The following ADAM23 variants were observed in gnomAD, a reference collection of about 807,000 sequenced individuals.
ADAM23 encodes the protein ADAM metallopeptidase domain 23, also known as disintegrin and metalloproteinase domain-containing protein 23.
In ADAM23, 33 loss-of-function variants were observed where a neutral mutation model predicts 120.1. That is an observed-to-expected ratio of 0.27 (90% CI 0.21 to 0.37). The LOEUF (loss-of-function observed/expected upper bound fraction) is 0.37. Among genes scored for constraint, ADAM23 ranks in the 10% least tolerant of loss-of-function variants. The probability of loss-of-function intolerance (pLI) is 1.00; values close to 1 mark genes in which losing one functional copy is unlikely to be tolerated. For missense variants in ADAM23, 862 were observed against 1,058.2 expected (o/e 0.81, Z 2.57); for synonymous variants, 367 against 375.2 (o/e 0.98, Z 0.25).
At chr2:206,486,365 G>A (rs1696013666) in intron 3 of ADAM23, among the ~76,000 whole-genome samples, 1 of 150,890 alleles carries the variant, frequency 6.6e-6, no homozygotes, top group South Asian at 2.1e-4. Flanking sequence ...TGTCAAACAA[G>A]CATTTTAGAT....
rs778876837 is a variant in ADAM23, at chr2:206,559,948, C to A, written c.1006-7C>A. 14 of 1,610,790 alleles carry A rather than the reference C, an allele frequency of 8.7e-6. No homozygotes were observed. The highest frequency in any genetic ancestry group is 1.0e-5 in the Non-Finnish European group (12 of 1,178,516). On this transcript the variant is annotated splice_region_variant and splice_polypyrimidine_tract_variant and intron_variant, in intron 10 of 25. Coordinates refer to ENST00000264377, the MANE Select transcript of ADAM23 (RefSeq NM_003812.4). ...CCTCCTGCACCTGTCCTGTTGTATA[C>A]CCTCAGATTTACAAGGAGCAGCTCA... is the stretch of plus-strand genomic sequence containing the variant.
At chr2:206,479,690 T>C (rs1473760164) in intron 2 of ADAM23, among the ~76,000 whole-genome samples, 1 of 151,158 alleles carries the variant, frequency 6.6e-6, no homozygotes, top group Non-Finnish European at 1.5e-5. Flanking sequence ...CTCTCTCTCT[T>C]TCTCTCTCTC....
chr2:206,529,020 C>T (rs530574699), intron 3 of ADAM23, among the ~76,000 whole-genome samples: 1 of 152,290 alleles, frequency 6.6e-6, no homozygotes, highest in South Asian at 2.1e-4. Context: ...CCCTAATAAT[C>T]CAGTGCTCTT....
intron 2 of ADAM23, among the ~76,000 whole-genome samples, chr2:206,467,742 C>T (rs765916399): frequency 6.6e-6 from 1 of 152,236 alleles, no homozygotes; most frequent in African/African-American, 2.4e-5. Context: ...CCTGACATTT[C>T]CCCTCTGCAC....
chr2:206,445,191 T>A, intron 1 of ADAM23, 116 bp from the exon 2 acceptor site: 1 of 736,548 alleles, frequency 1.4e-6, no homozygotes, highest in Non-Finnish European at 2.2e-6. Flanking sequence ...ATAGAAAACT[T>A]TGTGTTTGAA....
intron 22 of ADAM23, 116 bp from the exon 23 acceptor site, chr2:206,594,621 A>G (rs900413903): frequency 3.8e-5 from 44 of 1,152,500 alleles, no homozygotes; most frequent in Non-Finnish European, 1.5e-5. Context: ...AGAAAATGCT[A>G]GGAGAAATCC....
At chr2:206,559,033 C>A (rs1180290568) in intron 10 of ADAM23, among the ~76,000 whole-genome samples, 1 of 152,304 alleles carries the variant, frequency 6.6e-6, no homozygotes, top group East Asian at 1.9e-4. Flanking sequence ...CAAGCTCCGC[C>A]TCCCAGGTTC....
intron 2 of ADAM23, among the ~76,000 whole-genome samples, chr2:206,479,672 TTCTC>T (rs377258635): frequency 3.3e-5 from 5 of 150,936 alleles, no homozygotes; most frequent in South Asian, 2.1e-4. Flanking sequence ...TGACAGAAGT[TTCTC>T]TCTCTCTCTC....
intron 2 of ADAM23, among the ~76,000 whole-genome samples, chr2:206,479,438 T>C (rs1366041732): frequency 6.6e-6 from 1 of 152,224 alleles, no homozygotes; most frequent in Non-Finnish European, 1.5e-5. Flanking sequence ...TATAATATTC[T>C]TAAGAGAAAC....
At chr2:206,539,454 GGA>G (rs1697246776) in intron 4 of ADAM23, among the ~76,000 whole-genome samples, 1 of 152,152 alleles carries the variant, frequency 6.6e-6, no homozygotes, top group East Asian at 1.9e-4. Context: ...CTTCCTAACT[GGA>G]GAAAGAAACA....
rs987006489 is a variant in ADAM23 at position 206,444,768 on chromosome 2, CTTAAAG to C, written c.215-533_215-528del. Among the ~76,000 whole-genome samples the C allele has an allele frequency of 6.8e-4, 103 of 152,304 alleles. 1 individual carries two copies. Among genetic ancestry groups the C allele is most frequent in the Middle Eastern group, 3.4e-3 (1 of 294 alleles). On this transcript the variant is annotated intron_variant, in intron 1 of 25. Transcript: ENST00000264377. ...TACATGGCAAAGTATGTTTGCTCAT[CTTAAAG>C]TTAAAAGAGAAGGGAATTGTCCATT...
At chr2:206,503,863 G>A (rs1315179668) in intron 3 of ADAM23, among the ~76,000 whole-genome samples, 1 of 152,094 alleles carries the variant, frequency 6.6e-6, no homozygotes, top group East Asian at 1.9e-4. Flanking sequence ...ACCACTCAGA[G>A]TTATCATGGC....
chr2:206,562,153 T>G (rs755480074), intron 12 of ADAM23, 50 bp from the exon 13 acceptor site: 1 of 1,466,428 alleles, frequency 6.8e-7, no homozygotes, highest in Admixed American at 1.7e-5. Context: ...ATAACTAGCT[T>G]TGTGCACTCT....
chr2:206,444,235 C>T (rs893243886), intron 1 of ADAM23, among the ~76,000 whole-genome samples, 155 bp downstream of exon 1: 1 of 152,246 alleles, frequency 6.6e-6, no homozygotes, highest in Non-Finnish European at 1.5e-5. Context: ...TCCCAAACCC[C>T]CATTCATCCC....
At chr2:206,587,944 T>G in intron 19 of ADAM23, 147 bp from the exon 20 acceptor site, 2 of 720,876 alleles carry the variant, frequency 2.8e-6, no homozygotes, top group Non-Finnish European at 4.7e-6. Context: ...TCTTGAGATA[T>G]TTGTGATCCT....
chr2:206,509,454 T>C (rs1378356167), intron 3 of ADAM23, among the ~76,000 whole-genome samples: 2 of 152,148 alleles, frequency 1.3e-5, no homozygotes, highest in South Asian at 2.1e-4. Flanking sequence ...TCTTTTTTCT[T>C]TTTTTTCTTT....
At chr2:206,603,334 C>G (rs1251588205) in intron 24 of ADAM23, among the ~76,000 whole-genome samples, 1 of 152,104 alleles carries the variant, frequency 6.6e-6, no homozygotes, top group African/African-American at 2.4e-5. Context: ...TTCCTACTTG[C>G]CAAAACAAAG....
intron 18 of ADAM23, among the ~76,000 whole-genome samples, chr2:206,579,727 A>T (rs761572788): frequency 6.6e-6 from 1 of 152,030 alleles, no homozygotes; most frequent in African/African-American, 2.4e-5. Flanking sequence ...TTTTGGTTCC[A>T]TATTAGTTTT....
intron 4 of ADAM23, among the ~76,000 whole-genome samples, chr2:206,537,012 A>G (rs571302742): frequency 8.5e-4 from 130 of 152,206 alleles, no homozygotes; most frequent in African/African-American, 3.0e-3. Flanking sequence ...GGCCTGATAT[A>G]TACAACTTTT....
Sources: gnomAD v4.1 joint callset for allele counts (sites outside exome capture counted in the v4.1 genomes callset) on GRCh38, gnomAD v4.1.1 for gene constraint, MANE v1.5 for transcripts, NCBI Gene and HGNC (gene_info 2026-07-23, HGNC 2026-07-21) for gene names.